ZIC4: variants seen among roughly 807,000 people sequenced by gnomAD.
ZIC4 encodes Zic family zinc finger 4.
In ZIC4, 15 loss-of-function variants were observed where a neutral mutation model predicts 28.8. The ratio of observed to expected loss-of-function variants is 0.52; its 90% CI spans 0.35 to 0.80. ZIC4 has a LOEUF of 0.80. Among genes scored for constraint, ZIC4 ranks in the 30% least tolerant of loss-of-function variants. The probability of loss-of-function intolerance (pLI) is 0.01; values close to 1 mark genes in which losing one functional copy is unlikely to be tolerated. For missense variants in ZIC4, 512 were observed against 467.1 expected, an observed-to-expected ratio of 1.10 and a Z score of -0.89; for synonymous variants, 220 against 198.1, an observed-to-expected ratio of 1.11 and a Z score of -0.93.
intron 2 of ZIC4, among the ~76,000 whole-genome samples, chr3:147,399,466 TG>T (rs1250769847): frequency 3.3e-5 from 5 of 152,214 alleles, no homozygotes; most frequent in Non-Finnish European, 7.3e-5. Flanking sequence ...CTTGCCCAGT[TG>T]TTTTTACTAT....
intron 2 of ZIC4, among the ~76,000 whole-genome samples, chr3:147,398,670 G>A (rs1346291485): frequency 6.6e-6 from 1 of 152,018 alleles, no homozygotes; most frequent in Non-Finnish European, 1.5e-5. Context: ...TTCCCTGGCG[G>A]CCATAAAAAG....
chr3:147,389,022 A>T, intron 4 of ZIC4, 163 bp from the exon 5 acceptor site: 1 of 624,350 alleles, frequency 1.6e-6, no homozygotes, highest in South Asian at 2.0e-5. Context: ...AAACATTGGC[A>T]GAAGCAGCAA....
rs946627008 is a variant in ZIC4, at chr3:147,396,661, C to T, written c.71-192G>A. 7 of 626,296 alleles carry T rather than the reference C, an allele frequency of 1.1e-5. No individual in the cohort carries two copies. The highest frequency in any genetic ancestry group is 9.4e-5 in the African/African-American group (5 of 53,018). 38.8% of individuals were successfully genotyped at this position (626,296 alleles called of 1,614,324 possible). ...CCAAACACCTCCGCCGCCATTGGGC[C>T]GAATTGCTGTTGGGCCAAGTCCCCC... On this transcript the variant is annotated intron_variant, in intron 2 of 4. Coordinates refer to ENST00000383075, the MANE Select transcript of ZIC4 (RefSeq NM_032153.6). The surrounding 1 kb of genome is among the most constrained non-coding windows in gnomAD (Gnocchi z 4.2).
Position 147,387,092 on chromosome 3 carries a change from G to T in ZIC4, c.*1767C>A, listed in dbSNP as rs2086809530. The T allele has an allele frequency of 6.6e-6, 1 of 152,132 alleles. No homozygotes were observed. The highest frequency in any genetic ancestry group is 2.4e-5 in the African/African-American group (1 of 41,430). The allele number at this position is 152,132 out of a possible 1,614,324, so 9.4% of individuals were successfully genotyped here. On this transcript the variant is annotated 3_prime_UTR_variant, in exon 5 of 5. Coordinates refer to ENST00000383075, the MANE Select transcript of ZIC4 (RefSeq NM_032153.6). ...AGAAAGAAGCAGAAACACAATTATG[G>T]ACTTAGGGTATGTATTCTGCTTGCA...
Position 147,386,263 on chromosome 3 carries a change from TTAAC to T in ZIC4, c.*2592_*2595del, listed in dbSNP as rs1282317731. ...TTTTATTTTCAAGTTAGTTCATAATTTAACTGACACTAAAGAGACAGATGATAAA... is the reference window on the plus strand; with the variant it reads ...TTTTATTTTCAAGTTAGTTCATAATTTGACACTAAAGAGACAGATGATAAA... On this transcript the variant is annotated 3_prime_UTR_variant, in exon 5 of 5. Transcript: ENST00000383075. 6.6e-6 allele frequency: 1 copy of T among 152,312 alleles called. No homozygotes were observed. The highest frequency in any genetic ancestry group is 1.9e-4 in the East Asian group (1 of 5,208). The allele number at this position is 152,312 out of a possible 1,614,324, so 9.4% of individuals were successfully genotyped here.
intron 1 of ZIC4, chr3:147,405,932 AC>A (rs756720386): frequency 4.9e-5 from 8 of 163,772 alleles, no homozygotes; most frequent in Non-Finnish European, 1.1e-4. Flanking sequence ...CCCTCCCGGC[AC>A]CCGCCTTGCT....
At chr3:147,405,831 C>A in intron 1 of ZIC4, 1 of 325,234 alleles carries the variant, frequency 3.1e-6, no homozygotes, top group Non-Finnish European at 5.8e-6. Context: ...GCCATCTGGG[C>A]TAACTTGGCG....
At position 147,395,835 on chromosome 3, in the gene ZIC4, C is replaced by T. The variant is rs746870647; in HGVS notation, c.688+17G>A. The T allele has an allele frequency of 2.6e-5, 41 of 1,595,370 alleles. No homozygotes were observed. The Admixed American group carries it at 6.9e-4, about 27-fold the overall frequency. Reference sequence around the variant, plus strand: ...CCCCAGAGGGTCCGCACGCGACAGACAGCGCCGAATACTGACCTGTGTGAG... The same window carrying T: ...CCCCAGAGGGTCCGCACGCGACAGATAGCGCCGAATACTGACCTGTGTGAG... On this transcript the variant is annotated intron_variant, in intron 3 of 4. Transcript: ENST00000383075.
Position 147,392,069 on chromosome 3 carries a change from C to T in ZIC4, c.689-823G>A, listed in dbSNP as rs1440474082. ...GAGACCGTGCTGTGGGCAGCTGGCC[C>T]TCCCAGTCCGCACTGACTTGCGATG... On this transcript the variant is annotated intron_variant, in intron 3 of 4. Coordinates refer to ENST00000383075, the MANE Select transcript of ZIC4 (RefSeq NM_032153.6). 4 of 985,444 alleles carry T rather than the reference C, an allele frequency of 4.1e-6. No individual in the cohort carries two copies. In the African/African-American group the frequency reaches 7.0e-5, roughly 17 times the overall value. 61.0% of individuals were successfully genotyped at this position (985,444 alleles called of 1,614,324 possible).
chr3:147,393,590 GC>G (rs2086973131), intron 3 of ZIC4: 1 of 281,812 alleles, frequency 3.5e-6, no homozygotes, highest in East Asian at 1.2e-4. Context: ...CCGACCCTGA[GC>G]CGGGTCCGCC....
Position 147,388,830 on chromosome 3 carries a change from A to G in ZIC4, c.*29T>C, listed in dbSNP as rs1239095834. On this transcript the variant is annotated 3_prime_UTR_variant, in exon 5 of 5. Coordinates refer to ENST00000383075, the MANE Select transcript of ZIC4 (RefSeq NM_032153.6). The stretch of plus-strand genomic sequence containing the variant: ...GCGGGGCGCTCAGCTGCGCGGAGCG[A>G]GATTACCTTGCGAGCAACGCGGTGG... 3.8e-6 allele frequency: 3 copies of G among 779,496 alleles called. No homozygotes were observed. The highest frequency in any genetic ancestry group is 1.7e-5 in the Admixed American group (1 of 58,674). The allele number at this position is 779,496 out of a possible 1,614,324, so 48.3% of individuals were successfully genotyped here.
At chr3:147,405,039 C>T (rs1465453064) in intron 1 of ZIC4, among the ~76,000 whole-genome samples, 4 of 152,236 alleles carry the variant, frequency 2.6e-5, no homozygotes, top group East Asian at 3.9e-4. Flanking sequence ...GCCTGATTTA[C>T]TCATCTGCAC....
In ZIC4 at chr3:147,386,219, T is replaced by C. The variant is rs924274140; in HGVS notation, c.*2640A>G. 6 of 152,256 alleles carry C rather than the reference T, an allele frequency of 3.9e-5. No homozygotes were observed. The highest frequency in any genetic ancestry group is 7.2e-5 in the African/African-American group (3 of 41,472). The allele number at this position is 152,256 out of a possible 1,614,324, so 9.4% of individuals were successfully genotyped here. A position where few individuals can be genotyped will look rare whatever the true frequency, so the allele number is the denominator to read the frequency against. On this transcript the variant is annotated 3_prime_UTR_variant, in exon 5 of 5. Transcript: ENST00000383075. ...TTCAACTTTGTTGTTCATTCAACAATCACTTTCAGTCAAACAACTTTTATT... is the reference window on the plus strand; with the variant it reads ...TTCAACTTTGTTGTTCATTCAACAACCACTTTCAGTCAAACAACTTTTATT...
At position 147,396,211 on chromosome 3, in the gene ZIC4, G is replaced by C. The variant is rs368393338; in HGVS notation, c.329C>G (p.Pro110Arg). The change falls in exon 3 of 5, where the codon CCC becomes CGC. Residue 110 changes from proline (P) to arginine (R), a missense_variant. By Grantham distance (103) the Pro-to-Arg change is moderately radical. Around this residue, in one of 3 missense-constraint regions of ZIC4, gnomAD observed 310 missense variants for 256.5 expected, o/e 1.21. Transcript: ENST00000383075. The surrounding 1 kb of genome is among the most constrained non-coding windows in gnomAD (Gnocchi z 4.2). ...GMNLTVNLAA[P>R]HGPGAFFRYM... ...GCGGAAGAAAGCGCCAGGACCGTGG[G>C]GCGCAGCGAGGTTCACCGTCAGGTT... 6.2e-7 allele frequency: 1 copy of C among 1,614,040 alleles called. No homozygotes were observed.
rs971506841 is a variant in ZIC4 at position 147,402,654 on chromosome 3, A to G, written c.70+74T>C. The G allele has an allele frequency of 9.5e-6, 13 of 1,368,968 alleles. No homozygotes were observed. In the Admixed American group the frequency reaches 2.2e-4, roughly 23 times the overall value. 84.8% of individuals were successfully genotyped at this position (1,368,968 alleles called of 1,614,324 possible). A position where few individuals can be genotyped will look rare whatever the true frequency, so the allele number is the denominator to read the frequency against. ...AACAAAAGACAAAACAAAACTTCCT[A>G]CTTAAAAAAAAAAAAGAAGAAGAAG... On this transcript the variant is annotated intron_variant, in intron 2 of 4. Coordinates refer to ENST00000383075, the MANE Select transcript of ZIC4 (RefSeq NM_032153.6).
At chr3:147,391,614 A>C in intron 3 of ZIC4, 1 of 185,760 alleles carries the variant, frequency 5.4e-6, no homozygotes, top group African/African-American at 2.3e-5. Context: ...AAATACATTA[A>C]CGGAGGAGCT....
chr3:147,398,568 G>T (rs369517661), intron 2 of ZIC4, among the ~76,000 whole-genome samples: 9 of 152,162 alleles, frequency 5.9e-5, no homozygotes, highest in African/African-American at 2.2e-4. Context: ...GACCGGCTAA[G>T]GTCAGCTGCG....
At position 147,386,560 on chromosome 3, in the gene ZIC4, T is replaced by C. The variant is rs1292052430; in HGVS notation, c.*2299A>G. ...TGGAAAAACTTCTTTACAAGCCATT[T>C]ATTCAGCACACACAGAGTAGGGGGA... On this transcript the variant is annotated 3_prime_UTR_variant, in exon 5 of 5. Transcript: ENST00000383075. 2 of 152,668 alleles carry C rather than the reference T, an allele frequency of 1.3e-5. No individual in the cohort carries two copies. Among genetic ancestry groups the C allele is most frequent in the Non-Finnish European group, 2.9e-5 (2 of 68,034 alleles). 9.5% of individuals were successfully genotyped at this position (152,668 alleles called of 1,614,324 possible).
chr3:147,404,910 G>A (rs1435156568), intron 1 of ZIC4, among the ~76,000 whole-genome samples: 2 of 152,208 alleles, frequency 1.3e-5, no homozygotes, highest in East Asian at 1.9e-4. Context: ...CGGCAGGCGC[G>A]GGAAAGGCAT....
Sources: gnomAD v4.1 joint callset for allele counts (sites outside exome capture counted in the v4.1 genomes callset) on GRCh38, gnomAD v4.1.1 for gene constraint, gnomAD v4.1.1 regional missense constraint, Gnocchi (gnomAD v3.1) non-coding constraint, MANE v1.5 for transcripts, NCBI Gene and HGNC (gene_info 2026-07-23, HGNC 2026-07-21) for gene names.